The following TNPO1 variants were observed in gnomAD, a reference collection of about 807,000 sequenced individuals.
TNPO1 encodes transportin-1.
Under a neutral mutation model 119.5 loss-of-function variants are expected in TNPO1, and 8 were observed. The observed-to-expected ratio is 0.07, with a 90% CI of 0.04 to 0.12. TNPO1 has a LOEUF of 0.12. Ranked by LOEUF, TNPO1 falls within the 10% of genes least tolerant of loss-of-function variation. The pLI is 1.00. For missense variants in TNPO1, 576 were observed against 1,089.8 expected (o/e 0.53, Z 6.64); for synonymous variants, 362 against 363.0 (o/e 1.00, Z 0.03).
intron 4 of TNPO1, among the ~76,000 whole-genome samples, chr5:72,856,527 C>T (rs1746013730): frequency 6.7e-6 from 1 of 148,352 alleles, no homozygotes; most frequent in Non-Finnish European, 1.5e-5. Flanking sequence ...GCCATGGCGC[C>T]TGGCTTGGAG....
chr5:72,882,253 T>G (rs1161771020), intron 9 of TNPO1, among the ~76,000 whole-genome samples: 1 of 152,246 alleles, frequency 6.6e-6, no homozygotes, highest in Non-Finnish European at 1.5e-5. Flanking sequence ...CCACATTTCT[T>G]AAACCTATCC....
chr5:72,879,054 G>T (rs1248315370), intron 9 of TNPO1: 4 of 279,252 alleles, frequency 1.4e-5, no homozygotes, highest in Non-Finnish European at 3.0e-5. Flanking sequence ...CACATCTCTT[G>T]CCCAAAGAGA....
intron 1 of TNPO1, among the ~76,000 whole-genome samples, chr5:72,843,588 C>T (rs1159797242): frequency 7.2e-6 from 1 of 138,076 alleles, no homozygotes; most frequent in African/African-American, 2.8e-5. Flanking sequence ...AGCAAGATTC[C>T]GTCTCAAAAA....
intron 7 of TNPO1, 66 bp downstream of exon 7, chr5:72,872,786 C>CT: frequency 1.1e-6 from 1 of 885,160 alleles, no homozygotes; most frequent in Non-Finnish European, 1.7e-6. Flanking sequence ...TTAGGTGATG[C>CT]TAACTGCATG....
intron 9 of TNPO1, among the ~76,000 whole-genome samples, chr5:72,880,749 G>C (rs1318949436): frequency 6.7e-6 from 1 of 149,404 alleles, no homozygotes; most frequent in East Asian, 2.0e-4. Flanking sequence ...CCGGGAAGTG[G>C]AGATTGCAGT....
At chr5:72,831,890 ATTTTATCTT>A (rs1435744568) in intron 1 of TNPO1, among the ~76,000 whole-genome samples, 1 of 152,016 alleles carries the variant, frequency 6.6e-6, no homozygotes, top group Non-Finnish European at 1.5e-5. Context: ...TAACTTAAGT[ATTTTATCTT>A]TTTTTCTCAC....
At chr5:72,889,664 A>G (rs1748909968) in intron 13 of TNPO1, 122 bp from the exon 14 acceptor site, 3 of 1,013,070 alleles carry the variant, frequency 3.0e-6, no homozygotes, top group Non-Finnish European at 4.2e-6. Context: ...TTTCATTAAC[A>G]GATGGCTTAG....
At chr5:72,856,981 C>A (rs929296789) in intron 4 of TNPO1, among the ~76,000 whole-genome samples, 5 of 152,100 alleles carry the variant, frequency 3.3e-5, no homozygotes, top group African/African-American at 1.2e-4. Flanking sequence ...GTTAATCTAC[C>A]CAGGCTGGTT....
At chr5:72,876,507 T>C (rs934012906) in intron 8 of TNPO1, among the ~76,000 whole-genome samples, 22 of 152,222 alleles carry the variant, frequency 1.4e-4, no homozygotes, top group African/African-American at 3.9e-4. Flanking sequence ...TGAAAAATTA[T>C]CTTTATAATT....
At chr5:72,827,700 A>G (rs1057102658) in intron 1 of TNPO1, among the ~76,000 whole-genome samples, 6 of 152,106 alleles carry the variant, frequency 3.9e-5, no homozygotes, top group Admixed American at 2.0e-4. Context: ...GGAGAAGGGA[A>G]TCAAGAGTTT....
chr5:72,837,293 C>G, intron 1 of TNPO1, among the ~76,000 whole-genome samples: 1 of 152,210 alleles, frequency 6.6e-6, no homozygotes, highest in Non-Finnish European at 1.5e-5. Flanking sequence ...GCTATGAAAT[C>G]TGGCTTTCTG....
intron 1 of TNPO1, among the ~76,000 whole-genome samples, chr5:72,822,734 A>T (rs1046491350): frequency 6.6e-6 from 1 of 151,598 alleles, no homozygotes; most frequent in Non-Finnish European, 1.5e-5. Flanking sequence ...CTGGTACTAC[A>T]GGCACACATC....
At chr5:72,901,178 A>G (rs889339787) in intron 22 of TNPO1, 105 bp downstream of exon 22, 47 of 657,514 alleles carry the variant, frequency 7.1e-5, no homozygotes, top group Admixed American at 1.1e-4. Flanking sequence ...TTTCAAAGGT[A>G]TCAAAATACA....
rs142187542 is a variant in TNPO1, at chr5:72,832,257, A to C, written c.15+15505A>C. ...CTCCTCAGCAGCATAGGATATTATC[A>C]TTCCAAAATTATCTTTGCTAATTGG... On this transcript the variant is annotated intron_variant, in intron 1 of 24. Transcript: ENST00000337273. Among the ~76,000 whole-genome samples, 1,129 of 152,312 alleles carry C rather than the reference A, an allele frequency of 7.4e-3. 7 individuals are homozygous for C. The highest frequency in any genetic ancestry group is 0.011 in the Non-Finnish European group (732 of 67,984).
At chr5:72,885,993 A>G (rs1748594033) in intron 11 of TNPO1, among the ~76,000 whole-genome samples, 3 of 152,054 alleles carry the variant, frequency 2.0e-5, no homozygotes, top group Admixed American at 6.6e-5. Flanking sequence ...CTTGATAACT[A>G]ACCCACTCCT....
chr5:72,895,406 C>G (rs188692401), intron 18 of TNPO1, among the ~76,000 whole-genome samples: 6 of 147,166 alleles, frequency 4.1e-5, no homozygotes, highest in South Asian at 2.1e-4. Flanking sequence ...ATTAGTGGTT[C>G]TCAACTAGGG....
chr5:72,822,755 G>A (rs2112162959), intron 1 of TNPO1, among the ~76,000 whole-genome samples: 1 of 151,896 alleles, frequency 6.6e-6, no homozygotes, highest in South Asian at 2.1e-4. Flanking sequence ...GCCATGCCCA[G>A]CTGATTTTTT....
Position 72,884,608 on chromosome 5 carries a change from T to G in TNPO1, c.1150+1376T>G, listed in dbSNP as rs180726366. ...AATCATATCACCTGTGGAGCTAGCA[T>G]TCTGGCCCACGCTTCCTAATTGGGG... On this transcript the variant is annotated intron_variant, in intron 11 of 24. Coordinates refer to ENST00000337273, the MANE Select transcript of TNPO1 (RefSeq NM_002270.4). Among the ~76,000 whole-genome samples, 317 of 152,324 alleles carry G rather than the reference T, an allele frequency of 2.1e-3. 1 individual carries two copies. The Middle Eastern group carries it at 0.024, about 11-fold the overall frequency.
At chr5:72,871,275 C>T (rs1012959630) in intron 6 of TNPO1, among the ~76,000 whole-genome samples, 4 of 152,130 alleles carry the variant, frequency 2.6e-5, no homozygotes, top group Non-Finnish European at 5.9e-5. Context: ...CTGCGCCCAG[C>T]CAGTAGTAGT....
Sources: gnomAD v4.1 joint callset for allele counts (sites outside exome capture counted in the v4.1 genomes callset) on GRCh38, gnomAD v4.1.1 for gene constraint, MANE v1.5 for transcripts, NCBI Gene and HGNC (gene_info 2026-07-23, HGNC 2026-07-21) for gene names.